Variants in DENND1A observed in about 807,000 individuals in gnomAD.
DENND1A encodes the protein DENN domain containing 1A, also known as DENN domain-containing protein 1A.
In DENND1A, 51 loss-of-function variants were observed where a neutral mutation model predicts 113.7. The observed-to-expected ratio is 0.45, with a 90% CI of 0.36 to 0.57. The LOEUF (loss-of-function observed/expected upper bound fraction) is 0.57. Among genes scored for constraint, DENND1A ranks in the 20% least tolerant of loss-of-function variants. The pLI, the probability that DENND1A is intolerant of heterozygous loss-of-function variation, is 0.00. For missense variants in DENND1A, 1,258 were observed against 1,395.9 expected (o/e 0.90, Z 1.57); for synonymous variants, 565 against 570.8 (o/e 0.99, Z 0.14).
chr9:123,651,778 C>A (rs1011817199), intron 9 of DENND1A, among the ~76,000 whole-genome samples: 4 of 151,846 alleles, frequency 2.6e-5, no homozygotes, highest in African/African-American at 9.7e-5. Context: ...GCAAAATGTT[C>A]ATAACACACA....
At chr9:123,873,838 G>A (rs941226499) in intron 2 of DENND1A, among the ~76,000 whole-genome samples, 3 of 152,108 alleles carry the variant, frequency 2.0e-5, no homozygotes, top group African/African-American at 2.4e-5. Flanking sequence ...CGCCTCCCAG[G>A]TTCAAGCGAT....
At chr9:123,493,312 T>C (rs924955170) in intron 13 of DENND1A, among the ~76,000 whole-genome samples, 1 of 151,750 alleles carries the variant, frequency 6.6e-6, no homozygotes, top group South Asian at 2.1e-4. Flanking sequence ...ACCAGGGAGG[T>C]TGGGGGGAGA....
At chr9:123,895,934 C>T (rs1164459279) in intron 1 of DENND1A, among the ~76,000 whole-genome samples, 1 of 152,092 alleles carries the variant, frequency 6.6e-6, no homozygotes, top group Non-Finnish European at 1.5e-5. Flanking sequence ...AACCACTAGC[C>T]TCAAAACTCA....
At chr9:123,810,266 C>T (rs1836329822) in intron 2 of DENND1A, among the ~76,000 whole-genome samples, 2 of 152,136 alleles carry the variant, frequency 1.3e-5, no homozygotes, top group South Asian at 4.1e-4. Flanking sequence ...CGCAAGGCAA[C>T]TCTTTTCTGG....
chr9:123,847,296 T>C (rs536534213), intron 2 of DENND1A, among the ~76,000 whole-genome samples: 1 of 151,826 alleles, frequency 6.6e-6, no homozygotes, highest in Non-Finnish European at 1.5e-5. Flanking sequence ...AAAAAGAGAA[T>C]GTCAGACATA....
chr9:123,452,215 G>T, intron 17 of DENND1A, 61 bp downstream of exon 17: 7 of 1,442,544 alleles, frequency 4.9e-6, no homozygotes, highest in East Asian at 4.5e-5. Flanking sequence ...AATAAATAAA[G>T]AGTCTCATCA....
chr9:123,623,224 CA>C (rs2138311384), intron 10 of DENND1A, among the ~76,000 whole-genome samples: 1 of 152,192 alleles, frequency 6.6e-6, no homozygotes, highest in Non-Finnish European at 1.5e-5. Context: ...CTCAAGGCAA[CA>C]GAAGTAAGAA....
chr9:123,921,912 C>CTTTTTTTTT (rs113646800), intron 1 of DENND1A, among the ~76,000 whole-genome samples: 2 of 143,720 alleles, frequency 1.4e-5, no homozygotes, highest in Non-Finnish European at 1.5e-5. Flanking sequence ...CAAAGCCATC[C>CTTTTTTTTT]TTTTTTTTTT....
intron 2 of DENND1A, among the ~76,000 whole-genome samples, chr9:123,851,086 T>C (rs1843280467): frequency 6.6e-6 from 1 of 152,202 alleles, no homozygotes; most frequent in Non-Finnish European, 1.5e-5. Flanking sequence ...TATAATTTGA[T>C]GAGTTTTGAC....
Position 123,450,740 on chromosome 9 carries a change from G to A in DENND1A, c.1309C>T (p.His437Tyr), listed in dbSNP as rs751791199. The A allele has an allele frequency of 1.9e-6, 3 of 1,610,392 alleles. No individual in the cohort carries two copies. The highest frequency in any genetic ancestry group is 2.5e-6 in the Non-Finnish European group (3 of 1,178,800). The change falls in exon 18 of 24, where the codon CAT (histidine) becomes TAT (tyrosine). Residue 437 changes from histidine to tyrosine, a missense_variant. Physicochemically the swap from His to Tyr is moderately conservative, Grantham distance 83 (BLOSUM62 2). This residue lies in a region of DENND1A where 1,159 missense variants were observed against 1,231.7 expected (regional missense o/e 0.94). Transcript: ENST00000394215. ...MKTVYKFAKDHAKMGIKEVKN... is the reference protein window; with the variant it reads ...MKTVYKFAKDYAKMGIKEVKN... The stretch of plus-strand genomic sequence containing the variant: ...ACCTCTTTTATTCCCATTTTTGCAT[G>A]ATCTTTTGCCTGCATGAAAAATTAA...
At chr9:123,450,274 G>A (rs1045912795) in intron 18 of DENND1A, among the ~76,000 whole-genome samples, 4 of 152,174 alleles carry the variant, frequency 2.6e-5, no homozygotes, top group African/African-American at 7.2e-5. Flanking sequence ...CGGTGGCCAC[G>A]TGCATGCTGG....
At position 123,607,459 on chromosome 9, in the gene DENND1A, A is replaced by G. The variant is rs570618703; in HGVS notation, c.765+1977T>C. 6.0e-5 allele frequency among the ~76,000 whole-genome samples: 8 copies of G among 134,122 alleles called. No individual in the cohort carries two copies. In the East Asian group the frequency reaches 1.9e-3, roughly 32 times the overall value. 88.0% of individuals were successfully genotyped at this position (134,122 alleles called of 152,430 possible). ...CAGTGGAAGGGGAGTGGAGTGGCTT[A>G]GAGAGAGAGAGAGAGACACAGAGAG... On this transcript the variant is annotated intron_variant, in intron 11 of 23. Coordinates refer to ENST00000394215, the MANE Select transcript of DENND1A (RefSeq NM_001352964.2).
intron 5 of DENND1A, among the ~76,000 whole-genome samples, chr9:123,692,803 G>A (rs1465556610): frequency 6.6e-6 from 1 of 152,106 alleles, no homozygotes; most frequent in Non-Finnish European, 1.5e-5. Flanking sequence ...TTAATTTAAA[G>A]ACCAGTTCTG....
intron 3 of DENND1A, among the ~76,000 whole-genome samples, chr9:123,776,825 T>G (rs1206781339): frequency 1.3e-5 from 2 of 152,166 alleles, no homozygotes; most frequent in African/African-American, 4.8e-5. Flanking sequence ...TTGGCCTCAT[T>G]TGAGAGCATG....
chr9:123,511,396 C>T (rs2053450940), intron 13 of DENND1A, among the ~76,000 whole-genome samples: 1 of 152,232 alleles, frequency 6.6e-6, no homozygotes, highest in Non-Finnish European at 1.5e-5. Flanking sequence ...GAAGCACCTG[C>T]TGCCACAGTG....
intron 12 of DENND1A, among the ~76,000 whole-genome samples, chr9:123,574,152 T>C (rs996952832): frequency 2.1e-4 from 32 of 150,808 alleles, no homozygotes; most frequent in African/African-American, 7.8e-4. Flanking sequence ...GATTTTTGCA[T>C]CTATATTGGT....
chr9:123,731,878 A>G (rs2068199092), intron 5 of DENND1A, among the ~76,000 whole-genome samples: 1 of 152,270 alleles, frequency 6.6e-6, no homozygotes, highest in Admixed American at 6.5e-5. Flanking sequence ...AAACTCAACA[A>G]TAAGGAAACA....
intron 11 of DENND1A, among the ~76,000 whole-genome samples, chr9:123,601,894 G>A (rs2059949003): frequency 6.6e-6 from 1 of 151,152 alleles, no homozygotes; most frequent in Admixed American, 6.6e-5. Flanking sequence ...GCCACCAGCT[G>A]TAAGCCCTCC....
intron 1 of DENND1A, among the ~76,000 whole-genome samples, chr9:123,907,617 T>G (rs1440654815): frequency 6.8e-6 from 1 of 147,444 alleles, no homozygotes; most frequent in Non-Finnish European, 1.5e-5. Context: ...GAGAATAAAA[T>G]ACCTAGGAAT....
Sources: allele counts gnomAD v4.1 joint callset (sites outside exome capture counted in the v4.1 genomes callset), GRCh38; gene constraint gnomAD v4.1.1; regional missense constraint gnomAD v4.1.1; transcripts MANE v1.5; gene names NCBI Gene and HGNC (gene_info 2026-07-23, HGNC 2026-07-21).